Variants in EPHA3 observed in about 807,000 individuals in gnomAD.
EPHA3 encodes the protein EPH receptor A3, also known as ephrin type-A receptor 3.
In EPHA3, 42 loss-of-function variants were observed where a neutral mutation model predicts 107.1. The observed-to-expected ratio is 0.39, with a 90% CI of 0.31 to 0.51. EPHA3 has a LOEUF of 0.51. EPHA3 is among the 20% of genes least tolerant of loss of function. The probability of loss-of-function intolerance (pLI) is 0.78; values close to 1 mark genes in which losing one functional copy is unlikely to be tolerated. For synonymous variants in EPHA3, 461 were observed against 424.8 expected (o/e 1.09, Z -1.05); for missense variants, 1,183 against 1,211.2 (o/e 0.98, Z 0.35).
intron 13 of EPHA3, among the ~76,000 whole-genome samples, chr3:89,441,967 T>C (rs1709794763): frequency 2.0e-5 from 3 of 152,276 alleles, no homozygotes; most frequent in Middle Eastern, 3.4e-3. Flanking sequence ...TCTATGCCAA[T>C]AATGTTTACG....
intron 5 of EPHA3, among the ~76,000 whole-genome samples, chr3:89,378,573 G>A (rs1708445904): frequency 6.6e-6 from 1 of 152,106 alleles, no homozygotes; most frequent in African/African-American, 2.4e-5. Context: ...CCACACATTA[G>A]GTAAAATGTA....
chr3:89,406,881 TA>T (rs1037438106), intron 7 of EPHA3, among the ~76,000 whole-genome samples: 3 of 152,186 alleles, frequency 2.0e-5, no homozygotes, highest in Non-Finnish European at 4.4e-5. Flanking sequence ...GAAAGCTTTT[TA>T]TAATTGTATG....
chr3:89,407,322 G>C lies in EPHA3; in HGVS notation c.1648G>C (p.Ala550Pro), dbSNP rs371462790. 9.9e-6 allele frequency: 16 copies of C among 1,613,454 alleles called. No homozygotes were observed. In the African/African-American group the frequency reaches 1.3e-4, roughly 13 times the overall value. The change falls in exon 8 of 17, where the codon GCA becomes CCA. Residue 550 changes from alanine to proline, a missense_variant. By Grantham distance (27) the Ala-to-Pro change is conservative (BLOSUM62 -1). Coordinates refer to ENST00000336596, the MANE Select transcript of EPHA3 (RefSeq NM_005233.6). ...AGTGGTCATGATCGCCATTTCAGCG[G>C]CAGTAGCAATTATTCTCCTCACTGT... is the stretch of plus-strand genomic sequence containing the variant. ...SQVVMIAISAAVAIILLTVVI... is the reference protein window; with the variant it reads ...SQVVMIAISAPVAIILLTVVI...
intron 3 of EPHA3, among the ~76,000 whole-genome samples, chr3:89,290,430 C>A (rs1287369500): frequency 6.6e-6 from 1 of 152,062 alleles, no homozygotes; most frequent in Non-Finnish European, 1.5e-5. Context: ...ACACATGTAG[C>A]ATACATCATA....
At chr3:89,275,895 G>GAATGA (rs767621099) in intron 3 of EPHA3, among the ~76,000 whole-genome samples, 27 of 152,100 alleles carry the variant, frequency 1.8e-4, no homozygotes, top group Admixed American at 5.9e-4. Context: ...CAGTTAAAGG[G>GAATGA]AATGCAATGC....
intron 10 of EPHA3, among the ~76,000 whole-genome samples, chr3:89,414,938 G>GAT (rs1202731549): frequency 6.6e-6 from 1 of 151,504 alleles, no homozygotes; most frequent in Non-Finnish European, 1.5e-5. Context: ...TTAATGATTA[G>GAT]ATATATGCCC....
In EPHA3 at chr3:89,214,242, C is replaced by T. The variant is rs1248355262; in HGVS notation, c.814+3722C>T. Reference sequence around the variant, plus strand: ...GCAGCTTATTAATTTTGTGGCTAAACATTTTGAGCCTTAGTTTCTTCATCC... The same window carrying T: ...GCAGCTTATTAATTTTGTGGCTAAATATTTTGAGCCTTAGTTTCTTCATCC... On this transcript the variant is annotated intron_variant, in intron 3 of 16. Transcript: ENST00000336596. Among the ~76,000 whole-genome samples, 4 of 151,970 alleles carry T rather than the reference C, an allele frequency of 2.6e-5. No individual in the cohort carries two copies. The East Asian group carries it at 7.7e-4, about 29-fold the overall frequency.
chr3:89,429,086 A>T lies in EPHA3; in HGVS notation c.2075-20A>T, dbSNP rs1185097652. ...ACTTGAACTGTACTGATTATTATTT[A>T]TTATTTACTGTATATCTAGGTAAGC... On this transcript the variant is annotated intron_variant, in intron 11 of 16. Transcript: ENST00000336596. 1 of 1,533,218 alleles carries T rather than the reference A, an allele frequency of 6.5e-7. No homozygotes were observed. Among genetic ancestry groups the T allele is most frequent in the Non-Finnish European group, 9.0e-7 (1 of 1,107,868 alleles). The allele number at this position is 1,533,218 out of a possible 1,614,324, so 95.0% of individuals were successfully genotyped here.
At chr3:89,370,513 G>T (rs1031285686) in intron 5 of EPHA3, among the ~76,000 whole-genome samples, 9 of 151,612 alleles carry the variant, frequency 5.9e-5, no homozygotes, top group African/African-American at 1.9e-4. Flanking sequence ...GTTGTGGGGT[G>T]GGAGGAGGGG....
chr3:89,460,772 C>A (rs1213989343), intron 15 of EPHA3, among the ~76,000 whole-genome samples: 1 of 144,478 alleles, frequency 6.9e-6, no homozygotes, highest in Admixed American at 6.9e-5. Context: ...GATACAGAAC[C>A]TTTTAGAGGG....
At chr3:89,417,814 G>T (rs867599751) in intron 10 of EPHA3, among the ~76,000 whole-genome samples, 22 of 151,436 alleles carry the variant, frequency 1.5e-4, no homozygotes, top group African/African-American at 5.1e-4. Context: ...CAATACAGTT[G>T]CTATTATGAA....
Position 89,399,460 on chromosome 3 carries a change from A to T in EPHA3, c.1574A>T (p.Glu525Val), listed in dbSNP as rs150469112. The change falls in exon 7 of 17, where the codon GAG becomes GTG. Residue 525 changes from glutamate to valine, a missense_variant. Coordinates refer to ENST00000336596, the MANE Select transcript of EPHA3 (RefSeq NM_005233.6). ...AGYGTNSRKF[E>V]FETSPDSFSI... The stretch of plus-strand genomic sequence containing the variant: ...TATGGGACGAACAGCCGCAAGTTTG[A>T]GTTTGAAACTAGTCCAGACTGTATG... 72 of 1,614,034 alleles carry T rather than the reference A, an allele frequency of 4.5e-5. No individual in the cohort carries two copies. The highest frequency in any genetic ancestry group is 5.5e-5 in the Non-Finnish European group (65 of 1,180,032).
chr3:89,154,870 A>G (rs1704764663), intron 2 of EPHA3, among the ~76,000 whole-genome samples: 1 of 148,220 alleles, frequency 6.7e-6, no homozygotes, highest in African/African-American at 2.4e-5. Flanking sequence ...GCATCTAAGA[A>G]CATATATATA....
intron 3 of EPHA3, among the ~76,000 whole-genome samples, chr3:89,271,589 G>A (rs971347074): frequency 1.3e-5 from 2 of 151,776 alleles, no homozygotes; most frequent in African/African-American, 4.8e-5. Context: ...AAAACAAAAC[G>A]TATACTGTTT....
In EPHA3 at chr3:89,450,216, C is replaced by A. The variant is rs142030914; in HGVS notation, c.2536C>A (p.Pro846Thr). Residue 846 changes from proline to threonine, a missense_variant, in exon 15 of 17, where the codon CCC becomes ACC. Coordinates refer to ENST00000336596, the MANE Select transcript of EPHA3 (RefSeq NM_005233.6). ...AGATGAGGGCTATCGACTGCCACCC[C>A]CCATGGACTGCCCAGCTGCCTTGTA... ...AVDEGYRLPP[P>T]MDCPAALYQL... 85 of 1,612,720 alleles carry A rather than the reference C, an allele frequency of 5.3e-5. No homozygotes were observed. Among genetic ancestry groups the A allele is most frequent in the South Asian group, 1.4e-4 (13 of 90,746 alleles).
chr3:89,122,110 A>G (rs926494944), intron 1 of EPHA3, among the ~76,000 whole-genome samples: 4 of 152,220 alleles, frequency 2.6e-5, no homozygotes, highest in African/African-American at 9.6e-5. Context: ...TTAGAAGCAG[A>G]TTGAAGAGCT....
chr3:89,373,563 C>A (rs560462173), intron 5 of EPHA3, among the ~76,000 whole-genome samples: 1 of 151,880 alleles, frequency 6.6e-6, no homozygotes, highest in African/African-American at 2.4e-5. Flanking sequence ...GCCCACTGGT[C>A]TCATTCCTAT....
intron 2 of EPHA3, among the ~76,000 whole-genome samples, chr3:89,164,350 G>T (rs1242769266): frequency 1.3e-5 from 2 of 151,628 alleles, no homozygotes; most frequent in Non-Finnish European, 2.9e-5. Flanking sequence ...ATCCTGGGCC[G>T]CATGCGGCCC....
chr3:89,438,240 C>G (rs1709712406), intron 13 of EPHA3, among the ~76,000 whole-genome samples: 2 of 151,944 alleles, frequency 1.3e-5, no homozygotes, highest in Non-Finnish European at 2.9e-5. Context: ...TCCGGAGTAG[C>G]TGGGACCACA....
Sources: allele counts gnomAD v4.1 joint callset (sites outside exome capture counted in the v4.1 genomes callset), GRCh38; gene constraint gnomAD v4.1.1; transcripts MANE v1.5; gene names NCBI Gene and HGNC (gene_info 2026-07-23, HGNC 2026-07-21).